Variants in RBP3 observed in about 807,000 individuals in gnomAD.
RBP3 encodes retinol-binding protein 3.
A neutral mutation model predicts 64.8 loss-of-function variants in RBP3; 50 were observed. That is an observed-to-expected ratio of 0.77 (90% CI 0.61 to 0.98). The LOEUF is 0.98. Among genes scored for constraint, RBP3 ranks in the 50% least tolerant of loss-of-function variants. The pLI is 0.00. For missense variants in RBP3, 1,712 were observed against 1,660.5 expected, an observed-to-expected ratio of 1.03 and a Z score of -0.54; for synonymous variants, 828 against 730.2, an observed-to-expected ratio of 1.13 and a Z score of -2.16.
chr10:47,357,412 C>T lies in RBP3; in HGVS notation c.3699C>T (p.Asn1233=). Residue 1233 remains asparagine, a synonymous_variant, in exon 4 of 4, where the codon AAC becomes AAT. Transcript: ENST00000584701. ...GGGCCAAGGAGATGCTCCAGCACAA[C>T]CAGCTGAGGGTGAAGCGGAGCCCAG... ...LARAKEMLQH[N]QLRVKRSPGL... 1 of 1,614,060 alleles carries T rather than the reference C, an allele frequency of 6.2e-7. No individual in the cohort carries two copies. Among genetic ancestry groups the T allele is most frequent in the Non-Finnish European group, 8.5e-7 (1 of 1,179,972 alleles).
Position 47,348,581 on chromosome 10 carries a change from A to T in RBP3, c.97A>T (p.Lys33Ter), listed in dbSNP as rs202011777. ...GCCAAGCCTGGTGCTGGACATGGCC[A>T]AGGTCCTCTTGGATAACTACTGCTT... ...FQPSLVLDMA[K>*]VLLDNYCFPE... Residue 33 changes from lysine (K) to a stop codon, truncating the protein, a stop_gained, in exon 1 of 4, where the codon AAG (lysine) becomes TAG (stop). Transcript: ENST00000584701. LOFTEE classifies it high-confidence loss of function. 6.2e-7 allele frequency: 1 copy of T among 1,613,324 alleles called. No homozygotes were observed. Among genetic ancestry groups the T allele is most frequent in the Non-Finnish European group, 8.5e-7 (1 of 1,180,024 alleles).
rs782248681 is a variant in RBP3 at position 47,349,353 on chromosome 10, G to A, written c.869G>A (p.Gly290Asp). ...GTGTCCAGGTCCCTGGGGCCCCTTG[G>A]TGGAGGCAGCCAGACGTGGGAGGGC... ...VPVSRSLGPL[G>D]GGSQTWEGSG... is the part of the protein sequence containing the mutation. The change falls in exon 1 of 4, where the codon GGT becomes GAT. Residue 290 changes from glycine (G) to aspartate (D), a missense_variant. Physicochemically the swap from Gly to Asp is moderately conservative, Grantham distance 94. Coordinates refer to ENST00000584701, the MANE Select transcript of RBP3 (RefSeq NM_002900.3). The A allele has an allele frequency of 2.5e-6, 4 of 1,612,326 alleles. No homozygotes were observed. Among genetic ancestry groups the A allele is most frequent in the African/African-American group, 2.7e-5 (2 of 74,934 alleles).
In RBP3 at chr10:47,350,350, C is replaced by T. The variant is rs781858671; in HGVS notation, c.1866C>T (p.Ala622=). The T allele has an allele frequency of 2.5e-6, 4 of 1,612,212 alleles. No homozygotes were observed. Among genetic ancestry groups the T allele is most frequent in the African/African-American group, 1.3e-5 (1 of 75,060 alleles). The stretch of plus-strand genomic sequence containing the variant: ...ATGCCATCGTGCTGGCCGAGGAGGC[C>T]CTGGACAAAGCCCAGGAAGTGCTGG... The part of the protein sequence containing the change: ...VPDAIVLAEE[A]LDKAQEVLEF... The change falls in exon 1 of 4, where the codon GCC becomes GCT. Residue 622 remains alanine, a synonymous_variant. Coordinates refer to ENST00000584701, the MANE Select transcript of RBP3 (RefSeq NM_002900.3).
chr10:47,348,550 G>A lies in RBP3; in HGVS notation c.66G>A (p.Leu22=). 6.2e-7 allele frequency: 1 copy of A among 1,612,342 alleles called. No individual in the cohort carries two copies. Among genetic ancestry groups the A allele is most frequent in the Non-Finnish European group, 8.5e-7 (1 of 1,180,014 alleles). Residue 22 remains leucine (L), a synonymous_variant, in exon 1 of 4, where the codon CTG becomes CTA. Coordinates refer to ENST00000584701, the MANE Select transcript of RBP3 (RefSeq NM_002900.3). ...GTGGCCTGGCTGGCCCCACACACCTGTTCCAGCCAAGCCTGGTGCTGGACA... is the reference window on the plus strand; with the variant it reads ...GTGGCCTGGCTGGCCCCACACACCTATTCCAGCCAAGCCTGGTGCTGGACA... ...LLCGLAGPTH[L]FQPSLVLDMA...
Position 47,349,807 on chromosome 10 carries a change from C to T in RBP3, c.1323C>T (p.Tyr441=), listed in dbSNP as rs782282118. 5 of 1,613,158 alleles carry T rather than the reference C, an allele frequency of 3.1e-6. No individual in the cohort carries two copies. The highest frequency in any genetic ancestry group is 4.2e-6 in the Non-Finnish European group (5 of 1,180,042). ...CGGTGCTGCCAGGCAATGTGGGCTA[C>T]CTGCGCTTCGATAGTTTTGCTGACG... ...QVSVLPGNVG[Y]LRFDSFADAS... is the part of the protein sequence containing the mutation. Residue 441 remains tyrosine (Y), a synonymous_variant, in exon 1 of 4, where the codon TAC becomes TAT. Transcript: ENST00000584701.
chr10:47,355,446 G>T lies in RBP3; in HGVS notation c.3316G>T (p.Val1106Phe). The T allele has an allele frequency of 6.2e-7, 1 of 1,614,172 alleles. No homozygotes were observed. The highest frequency in any genetic ancestry group is 1.1e-5 in the South Asian group (1 of 91,080). The change falls in exon 3 of 4, where the codon GTT becomes TTT. Residue 1106 changes from valine (V) to phenylalanine (F), a missense_variant. By Grantham distance (50) the Val-to-Phe change is conservative. Coordinates refer to ENST00000584701, the MANE Select transcript of RBP3 (RefSeq NM_002900.3). ...CTACTTCTTTGATGAAGGCCCTCCA[G>T]TTCTGCTGGACAAGATCTACAGCCG... ...CSYFFDEGPP[V>F]LLDKIYSRPD...
Position 47,357,108 on chromosome 10 carries a change from G to T in RBP3, c.3395G>T (p.Arg1132Leu). The T allele has an allele frequency of 1.2e-6, 2 of 1,610,404 alleles. No homozygotes were observed. The highest frequency in any genetic ancestry group is 1.7e-6 in the Non-Finnish European group (2 of 1,179,898). ...LWTHAQVVGE[R>L]YGSKKSMVIL... ...AGGGCCTTATGTCTTCCAGGTGAAC[G>T]CTATGGCTCCAAGAAGAGCATGGTC... is the stretch of plus-strand genomic sequence containing the variant. The change falls in exon 4 of 4, where the codon CGC (arginine) becomes CTC (leucine). Residue 1132 changes from arginine to leucine, a missense_variant. Coordinates refer to ENST00000584701, the MANE Select transcript of RBP3 (RefSeq NM_002900.3).
In RBP3 at chr10:47,350,540, C is replaced by T. The variant is rs1836951709; in HGVS notation, c.2056C>T (p.Leu686Phe). The T allele has an allele frequency of 6.2e-7, 1 of 1,612,972 alleles. No homozygotes were observed. ...AVDLESLASQ[L>F]TADLQEVSGD... is the part of the protein sequence containing the mutation. Reference sequence around the variant, plus strand: ...GGACTTGGAGTCTCTGGCCTCTCAGCTCACAGCAGACCTCCAGGAGGTGTC... The same window carrying T: ...GGACTTGGAGTCTCTGGCCTCTCAGTTCACAGCAGACCTCCAGGAGGTGTC... Residue 686 changes from leucine to phenylalanine, a missense_variant, in exon 1 of 4, where the codon CTC becomes TTC. By Grantham distance (22) the Leu-to-Phe change is conservative. Transcript: ENST00000584701.
chr10:47,357,279 A>T lies in RBP3; in HGVS notation c.3566A>T (p.Tyr1189Phe), dbSNP rs1555212067. ...TACCACGTGGATGACACCAACCTCT[A>T]CCTCACTATCCCCACGGCCCGTTCT... ...QTYHVDDTNL[Y>F]LTIPTARSVG... The change falls in exon 4 of 4, where the codon TAC (tyrosine) becomes TTC (phenylalanine). Residue 1189 changes from tyrosine to phenylalanine, a missense_variant. Transcript: ENST00000584701. 1 of 1,614,062 alleles carries T rather than the reference A, an allele frequency of 6.2e-7. No individual in the cohort carries two copies. Among genetic ancestry groups the T allele is most frequent in the South Asian group, 1.1e-5 (1 of 91,080 alleles).
intron 2 of RBP3, among the ~76,000 whole-genome samples, chr10:47,355,031 G>C (rs558571929): frequency 6.6e-6 from 1 of 152,312 alleles, no homozygotes; most frequent in South Asian, 2.1e-4. Context: ...GGAAGATATG[G>C]GTGCAGGGGA....
Position 47,350,441 on chromosome 10 carries a change from C to G in RBP3, c.1957C>G (p.Arg653Gly). Residue 653 changes from arginine to glycine, a missense_variant, in exon 1 of 4, where the codon CGG becomes GGG. Coordinates refer to ENST00000584701, the MANE Select transcript of RBP3 (RefSeq NM_002900.3). ...TGHLLEAHYA[R>G]PEVVGQTSAL... Reference sequence around the variant, plus strand: ...GCACCTGCTGGAGGCCCACTATGCTCGGCCAGAGGTCGTGGGGCAGACCAG... The same window carrying G: ...GCACCTGCTGGAGGCCCACTATGCTGGGCCAGAGGTCGTGGGGCAGACCAG... 1.2e-6 allele frequency: 2 copies of G among 1,612,158 alleles called. No individual in the cohort carries two copies. The highest frequency in any genetic ancestry group is 1.7e-4 in the Middle Eastern group (1 of 6,044).
chr10:47,355,604 T>A, intron 3 of RBP3, 86 bp downstream of exon 3: 2 of 1,563,588 alleles, frequency 1.3e-6, no homozygotes, highest in Non-Finnish European at 1.8e-6. Context: ...TAGGTAAAAG[T>A]CATAGTAACC....
chr10:47,348,778 TC>T lies in RBP3; in HGVS notation c.299del (p.Pro100HisfsTer45). 6.2e-7 allele frequency: 1 copy of T among 1,613,386 alleles called. No individual in the cohort carries two copies. The highest frequency in any genetic ancestry group is 1.7e-5 in the Admixed American group (1 of 60,004). ...ISYEPSTPEP[P>X]PQVPALTSLS... ...CCTATGAGCCCAGCACCCCCGAGCC[TC>T]CCCCACAAGTCCCAGCACTCACCAG... On this transcript the variant is annotated frameshift_variant, in exon 1 of 4. Transcript: ENST00000584701. LOFTEE classifies it high-confidence loss of function.
In RBP3 at chr10:47,357,191, A is replaced by T; in HGVS notation, c.3478A>T (p.Arg1160Trp). 6.2e-7 allele frequency: 1 copy of T among 1,614,006 alleles called. No homozygotes were observed. The highest frequency in any genetic ancestry group is 8.5e-7 in the Non-Finnish European group (1 of 1,180,028). Residue 1160 changes from arginine (R) to tryptophan (W), a missense_variant, in exon 4 of 4, where the codon AGG (arginine) becomes TGG (tryptophan). Coordinates refer to ENST00000584701, the MANE Select transcript of RBP3 (RefSeq NM_002900.3). ...TAEEFTYIMK[R>W]LGRALVIGEV... The stretch of plus-strand genomic sequence containing the variant: ...GGAGGAGTTCACCTATATCATGAAG[A>T]GGCTGGGCCGGGCCCTGGTCATTGG...
chr10:47,357,289 C>A lies in RBP3; in HGVS notation c.3576C>A (p.Ile1192=). The A allele has an allele frequency of 6.2e-7, 1 of 1,614,186 alleles. No individual in the cohort carries two copies. The highest frequency in any genetic ancestry group is 1.1e-5 in the South Asian group (1 of 91,086). ...ATGACACCAACCTCTACCTCACTAT[C>A]CCCACGGCCCGTTCTGTGGGGGCCT... is the stretch of plus-strand genomic sequence containing the variant. ...HVDDTNLYLT[I]PTARSVGASD... Residue 1192 remains isoleucine (I), a synonymous_variant, in exon 4 of 4, where the codon ATC becomes ATA. Transcript: ENST00000584701.
chr10:47,357,020 T>C (rs1206882571), intron 3 of RBP3, 82 bp from the exon 4 acceptor site: 7 of 1,346,784 alleles, frequency 5.2e-6, no homozygotes, highest in Non-Finnish European at 7.2e-6. Flanking sequence ...CCTCCATCAC[T>C]GCAGGCCCAG....
rs1836976471 is a variant in RBP3 at position 47,351,657 on chromosome 10, TAAGTTTTGACCGGTC to T, written c.3054+124_3054+138del. 7.6e-6 allele frequency: 10 copies of T among 1,317,794 alleles called. No individual in the cohort carries two copies. In the South Asian group the frequency reaches 1.2e-4, roughly 16 times the overall value. The allele number at this position is 1,317,794 out of a possible 1,614,324, so 81.6% of individuals were successfully genotyped here. A position where few individuals can be genotyped will look rare whatever the true frequency, so the allele number is the denominator to read the frequency against. ...TGGCTTTTAGATTTGTTCTCACGTT[TAAGTTTTGACCGGTC>T]AAGTCCTTTCCTCTTTCTCAACCTG... On this transcript the variant is annotated intron_variant, in intron 1 of 3. Transcript: ENST00000584701.
rs1555211213 is a variant in RBP3, at chr10:47,349,913, G to T, written c.1429G>T (p.Asp477Tyr). ...ACAGGACACGGAGCACCTCATCATG[G>T]ACCTGCGCCACAACCCTGGAGGGCC... ...PLQDTEHLIM[D>Y]LRHNPGGPSS... is the part of the protein sequence containing the mutation. Residue 477 changes from aspartate (D) to tyrosine (Y), a missense_variant, in exon 1 of 4, where the codon GAC (aspartate) becomes TAC (tyrosine). Asp to Tyr is a radical substitution (Grantham distance 160, BLOSUM62 -3). Coordinates refer to ENST00000584701, the MANE Select transcript of RBP3 (RefSeq NM_002900.3). The T allele has an allele frequency of 6.2e-7, 1 of 1,612,892 alleles. No individual in the cohort carries two copies. Among genetic ancestry groups the T allele is most frequent in the East Asian group, 2.2e-5 (1 of 44,866 alleles).
chr10:47,354,083 G>T (rs889406020), intron 2 of RBP3, among the ~76,000 whole-genome samples: 3 of 152,242 alleles, frequency 2.0e-5, no homozygotes, highest in South Asian at 4.1e-4. Context: ...GTTAACAAAA[G>T]AATTCTTTGC....
Sources: allele counts gnomAD v4.1 joint callset (sites outside exome capture counted in the v4.1 genomes callset), GRCh38; gene constraint gnomAD v4.1.1; transcripts MANE v1.5; gene names NCBI Gene and HGNC (gene_info 2026-07-23, HGNC 2026-07-21).